EPS8L2: variants seen among roughly 807,000 people sequenced by gnomAD.
EPS8L2 encodes EPS8 signaling adaptor L2, also known as epidermal growth factor receptor kinase substrate 8-like protein 2.
A neutral mutation model predicts 99.4 loss-of-function variants in EPS8L2; 81 were observed. The ratio of observed to expected loss-of-function variants is 0.82; its 90% CI spans 0.68 to 0.98. The LOEUF (loss-of-function observed/expected upper bound fraction) is 0.98, where lower values mean the gene tolerates loss of function less well. Ranked by LOEUF, EPS8L2 falls within the 50% of genes least tolerant of loss-of-function variation. EPS8L2 has a pLI of 0.00. For missense variants in EPS8L2, 1,155 were observed against 968.8 expected (o/e 1.19, Z -2.55); for synonymous variants, 509 against 407.3 (o/e 1.25, Z -3.01).
chr11:726,569 A>C, intron 19 of EPS8L2, 50 bp from the exon 20 acceptor site: 1 of 1,515,862 alleles, frequency 6.6e-7, no homozygotes, highest in Non-Finnish European at 8.8e-7. Context: ...GGCGGGCGCC[A>C]GGCAGCCTCG....
At chr11:716,753 T>C (rs571587769) in intron 4 of EPS8L2, among the ~76,000 whole-genome samples, 1 of 152,290 alleles carries the variant, frequency 6.6e-6, no homozygotes, top group African/African-American at 2.4e-5. Flanking sequence ...CATTTGGGGA[T>C]TTTCTGGTTT....
In EPS8L2 at chr11:722,475, C is replaced by T; in HGVS notation, c.1134C>T (p.Asp378=). The change falls in exon 13 of 21, where the codon GAC becomes GAT. Residue 378 remains aspartate (D), a synonymous_variant. Coordinates refer to ENST00000318562, the MANE Select transcript of EPS8L2 (RefSeq NM_022772.4). The part of the protein sequence containing the change: ...SCPLLSRDAV[D]FLRGHLVPKE... ...CACTGCTCTCCCGAGATGCCGTGGA[C>T]TTCCTGCGCGGCCACCTGGTCCCTA... The T allele has an allele frequency of 6.2e-7, 1 of 1,613,556 alleles. No individual in the cohort carries two copies. The highest frequency in any genetic ancestry group is 8.5e-7 in the Non-Finnish European group (1 of 1,179,944).
chr11:726,515 C>G, intron 19 of EPS8L2, 31 bp downstream of exon 19: 1 of 1,442,288 alleles, frequency 6.9e-7, no homozygotes, highest in Non-Finnish European at 9.2e-7. Context: ...AGCTGGGGCC[C>G]GGGCGAGGGG....
Position 721,186 on chromosome 11 carries a change from A to C in EPS8L2, c.680A>C (p.Gln227Pro). Residue 227 changes from glutamine (Q) to proline (P), a missense_variant, in exon 8 of 21, where the codon CAG becomes CCG. Transcript: ENST00000318562. ...GAGGCCAAGAATCGCGTGGGCCCGC[A>C]GGTGCCACTCAGCGAGCCAGGTGGG... The part of the protein sequence containing the change: ...SPEAKNRVGP[Q>P]VPLSEPGFRR... 1 of 1,533,778 alleles carries C rather than the reference A, an allele frequency of 6.5e-7. No individual in the cohort carries two copies. Among genetic ancestry groups the C allele is most frequent in the East Asian group, 2.5e-5 (1 of 40,748 alleles).
At chr11:716,058 C>T (rs11246287) in intron 4 of EPS8L2, among the ~76,000 whole-genome samples, 97,566 of 145,390 alleles carry the variant, frequency 0.67, 34,189 homozygotes, top group African/African-American at 0.87. Flanking sequence ...CTGCAACCTC[C>T]GCCTCCTGGG....
intron 3 of EPS8L2, 106 bp downstream of exon 3, chr11:709,714 A>G (rs1590045902): frequency 1.5e-6 from 2 of 1,375,568 alleles, no homozygotes; most frequent in Non-Finnish European, 2.0e-6. Flanking sequence ...GGTCTGGCCC[A>G]GGGGATCTCC....
chr11:707,935 G>T (rs186801771), intron 1 of EPS8L2, among the ~76,000 whole-genome samples: 1 of 152,146 alleles, frequency 6.6e-6, no homozygotes, highest in Non-Finnish European at 1.5e-5. Context: ...CACTGAGCCC[G>T]TGAACATTCC....
At chr11:715,968 C>CT (rs150677634) in intron 4 of EPS8L2, among the ~76,000 whole-genome samples, 53 of 91,534 alleles carry the variant, frequency 5.8e-4, no homozygotes, top group Middle Eastern at 8.9e-3. Context: ...GATTATTTAT[C>CT]TTTTTTTTTT....
chr11:712,465 CG>C, intron 4 of EPS8L2, among the ~76,000 whole-genome samples: 1 of 150,506 alleles, frequency 6.6e-6, no homozygotes, highest in African/African-American at 2.4e-5. Flanking sequence ...AGCCTGGGTG[CG>C]AGCTGGGCTC....
intron 15 of EPS8L2, among the ~76,000 whole-genome samples, chr11:723,555 A>C (rs977043415): frequency 1.3e-5 from 2 of 152,218 alleles, no homozygotes; most frequent in African/African-American, 4.8e-5. Flanking sequence ...TCATGCACAA[A>C]TTCTCTACCC....
At position 726,898 on chromosome 11, in the gene EPS8L2, T is replaced by C. The variant is rs1862346308; in HGVS notation, c.2068-3T>C. On this transcript the variant is annotated splice_region_variant and splice_polypyrimidine_tract_variant and intron_variant, in intron 20 of 20. Coordinates refer to ENST00000318562, the MANE Select transcript of EPS8L2 (RefSeq NM_022772.4). ...TGAGGATGCCCCCATTTCTCCTCCC[T>C]AGAAGCAGCAAAGTGGGTCGGAGCT... 2 of 1,612,298 alleles carry C rather than the reference T, an allele frequency of 1.2e-6. No individual in the cohort carries two copies. The highest frequency in any genetic ancestry group is 1.7e-6 in the Non-Finnish European group (2 of 1,179,520).
At position 721,143 on chromosome 11, in the gene EPS8L2, C is replaced by G; in HGVS notation, c.637C>G (p.Arg213Gly). ...CCCGGCGCCCATCCCCTTCCAGCAC[C>G]GCGGCGGGGATTCCCCGGAGGCCAA... The part of the protein sequence containing the change: ...QGPAPIPFQH[R>G]GGDSPEAKNR... Residue 213 changes from arginine to glycine, a missense_variant, in exon 8 of 21, where the codon CGC (arginine) becomes GGC (glycine). Transcript: ENST00000318562. 2 of 1,536,860 alleles carry G rather than the reference C, an allele frequency of 1.3e-6. No homozygotes were observed. Among genetic ancestry groups the G allele is most frequent in the Non-Finnish European group, 8.7e-7 (1 of 1,144,014 alleles).
intron 9 of EPS8L2, 28 bp downstream of exon 9, chr11:721,380 C>T (rs1480346208): frequency 1.3e-6 from 2 of 1,537,342 alleles, no homozygotes; most frequent in Admixed American, 2.0e-5. Context: ...GCAGGTGGCC[C>T]CTCTCTTCCC....
At chr11:723,910 G>C (rs1380088078) in intron 15 of EPS8L2, among the ~76,000 whole-genome samples, 1 of 152,160 alleles carries the variant, frequency 6.6e-6, no homozygotes, top group Non-Finnish European at 1.5e-5. Context: ...CCACACCCCA[G>C]GATTCAATTT....
At position 709,454 on chromosome 11, in the gene EPS8L2, G is replaced by A. The variant is rs1861824561; in HGVS notation, c.44+3G>A. On this transcript the variant is annotated splice_donor_region_variant and intron_variant, in intron 2 of 20. Transcript: ENST00000318562. ...AGCTGCTGCCCGGGTGCCACCAAGT[G>A]AGCCCTCCCACCCATCCCGAATACC... is the stretch of plus-strand genomic sequence containing the variant. 3.8e-6 allele frequency: 6 copies of A among 1,598,766 alleles called. No individual in the cohort carries two copies. The highest frequency in any genetic ancestry group is 1.3e-5 in the African/African-American group (1 of 74,552).
chr11:720,992 G>GGAGGAGCCCGGCAGGGAGGGAGGA (rs1862154850), intron 7 of EPS8L2, 72 bp from the exon 8 acceptor site: 1 of 1,459,046 alleles, frequency 6.9e-7, no homozygotes, highest in Non-Finnish European at 9.2e-7. Flanking sequence ...GCAGGGGAGG[G>GGAGGAGCCCGGCAGGGAGGGAGGA]GAGGAGCCCG....
chr11:721,234 A>G (rs1341094792), intron 8 of EPS8L2, 28 bp downstream of exon 8: 1 of 1,536,644 alleles, frequency 6.5e-7, no homozygotes, highest in Admixed American at 2.0e-5. Flanking sequence ...AGGGGGCTCC[A>G]CAGGGCTCGT....
intron 4 of EPS8L2, among the ~76,000 whole-genome samples, chr11:716,152 GTTT>G (rs755449453): frequency 8.3e-6 from 1 of 121,188 alleles, no homozygotes; most frequent in African/African-American, 3.0e-5. Context: ...TTTGTGTGGG[GTTT>G]TTTTTTTTTT....
intron 4 of EPS8L2, among the ~76,000 whole-genome samples, chr11:711,639 T>G (rs1276203840): frequency 6.6e-6 from 1 of 152,088 alleles, no homozygotes; most frequent in Non-Finnish European, 1.5e-5. Flanking sequence ...GTCCAGCTAC[T>G]TGGGAGGCTC....
Sources: allele counts gnomAD v4.1 joint callset (sites outside exome capture counted in the v4.1 genomes callset), GRCh38; gene constraint gnomAD v4.1.1; transcripts MANE v1.5; gene names NCBI Gene and HGNC (gene_info 2026-07-23, HGNC 2026-07-21).